The following ZKSCAN8 variants were observed in gnomAD, a reference collection of about 807,000 sequenced individuals.
The protein encoded by ZKSCAN8 is zinc finger with KRAB and SCAN domains 8.
ZKSCAN8 carries 27 observed loss-of-function variants against 57.2 expected under a neutral mutation model. That is an observed-to-expected ratio of 0.47 (90% CI 0.35 to 0.65). ZKSCAN8 has a LOEUF of 0.65. Among genes scored for constraint, ZKSCAN8 ranks in the 30% least tolerant of loss-of-function variants. The pLI is 0.01. For missense variants in ZKSCAN8, 597 were observed against 696.3 expected, an observed-to-expected ratio of 0.86 and a Z score of 1.60; for synonymous variants, 214 against 248.7, an observed-to-expected ratio of 0.86 and a Z score of 1.31.
At position 28,154,800 on chromosome 6, in the gene ZKSCAN8, C is replaced by T. The variant is rs1765732653; in HGVS notation, c.*783C>T. 2.6e-5 allele frequency: 4 copies of T among 152,640 alleles called. No individual in the cohort carries two copies. The South Asian group carries it at 8.3e-4, about 32-fold the overall frequency. The allele number at this position is 152,640 out of a possible 1,614,324, so 9.5% of individuals were successfully genotyped here. On this transcript the variant is annotated 3_prime_UTR_variant, in exon 6 of 6. Coordinates refer to ENST00000330236, the MANE Select transcript of ZKSCAN8 (RefSeq NM_006298.4). The stretch of plus-strand genomic sequence containing the variant: ...ACAGAGAAAGAGGTGAGTGGAGACT[C>T]AGCCCAGCTGCTCTTGAGCTTGGAT...
At chr6:28,147,070 T>A (rs1397237370) in intron 1 of ZKSCAN8, among the ~76,000 whole-genome samples, 1 of 152,042 alleles carries the variant, frequency 6.6e-6, no homozygotes, top group Non-Finnish European at 1.5e-5. Flanking sequence ...GAACTTTTTT[T>A]CTTCAAAAGG....
intron 2 of ZKSCAN8, 21 bp from the exon 3 acceptor site, chr6:28,149,462 C>T (rs1765518552): frequency 1.2e-6 from 2 of 1,612,932 alleles, no homozygotes; most frequent in African/African-American, 1.3e-5. Context: ...TCCTTATTAT[C>T]CAACTGTCTG....
rs180748061 is a variant in ZKSCAN8, at chr6:28,156,212, C to T, written c.*2195C>T. ...ACACCTGCCATACACTTTAGAAGAA[C>T]GCTTCTCTTCTATTCCAATAAAAAG... is the stretch of plus-strand genomic sequence containing the variant. On this transcript the variant is annotated 3_prime_UTR_variant, in exon 6 of 6. Transcript: ENST00000330236. 3.1e-4 allele frequency: 124 copies of T among 398,312 alleles called. No individual in the cohort carries two copies. Among genetic ancestry groups the T allele is most frequent in the African/African-American group, 1.6e-3 (77 of 48,702 alleles). 24.7% of individuals were successfully genotyped at this position (398,312 alleles called of 1,614,324 possible). A position where few individuals can be genotyped will look rare whatever the true frequency, so the allele number is the denominator to read the frequency against.
At position 28,152,363 on chromosome 6, in the gene ZKSCAN8, T is replaced by G; in HGVS notation, c.754T>G (p.Phe252Val). ...GTGTAGAGATAACAGGCCAGAAAAT[T>G]TCAGAAACATGTTCTCCCTGGGTAA... ...DLCRDNRPEN[F>V]RNMFSLGGET... Residue 252 changes from phenylalanine to valine, a missense_variant, in exon 5 of 6, where the codon TTC (phenylalanine) becomes GTC (valine). Physicochemically the swap from Phe to Val is conservative, Grantham distance 50. Coordinates refer to ENST00000330236, the MANE Select transcript of ZKSCAN8 (RefSeq NM_006298.4). 1 of 1,608,430 alleles carries G rather than the reference T, an allele frequency of 6.2e-7. No homozygotes were observed. Among genetic ancestry groups the G allele is most frequent in the Non-Finnish European group, 8.5e-7 (1 of 1,178,590 alleles).
Position 28,149,472 on chromosome 6 carries a change from G to T in ZKSCAN8, c.418-11G>T. The T allele has an allele frequency of 6.2e-7, 1 of 1,613,314 alleles. No individual in the cohort carries two copies. The highest frequency in any genetic ancestry group is 8.5e-7 in the Non-Finnish European group (1 of 1,179,696). On this transcript the variant is annotated splice_polypyrimidine_tract_variant and intron_variant, in intron 2 of 5. Coordinates refer to ENST00000330236, the MANE Select transcript of ZKSCAN8 (RefSeq NM_006298.4). ...GGGATTCCTTATTATCCAACTGTCTGTTGTTTCCAGGTCTCAGCTCGCGTA... is the reference window on the plus strand; with the variant it reads ...GGGATTCCTTATTATCCAACTGTCTTTTGTTTCCAGGTCTCAGCTCGCGTA...
At chr6:28,146,024 A>G (rs114975717) in intron 1 of ZKSCAN8, among the ~76,000 whole-genome samples, 81 of 152,360 alleles carry the variant, frequency 5.3e-4, no homozygotes, top group African/African-American at 1.8e-3. Context: ...CAAAGTTACC[A>G]TTGCAGTTCT....
intron 2 of ZKSCAN8, among the ~76,000 whole-genome samples, 189 bp from the exon 3 acceptor site, chr6:28,149,294 G>A (rs1561819699): frequency 6.6e-6 from 1 of 152,118 alleles, no homozygotes. Context: ...TTAGTACTAA[G>A]CAAAAATGAT....
chr6:28,151,897 C>A lies in ZKSCAN8; in HGVS notation c.612C>A (p.Asp204Glu), dbSNP rs773824734. The change falls in exon 4 of 6, where the codon GAC becomes GAA. Residue 204 changes from aspartate (D) to glutamate (E), a missense_variant. Coordinates refer to ENST00000330236, the MANE Select transcript of ZKSCAN8 (RefSeq NM_006298.4). ...PTRSQKGSSGDQEMTATLLTA... is the reference protein window; with the variant it reads ...PTRSQKGSSGEQEMTATLLTA... Reference sequence around the variant, plus strand: ...GTTCCCAGAAAGGAAGTTCTGGAGACCAGGAAATGACAGCTACACTTCTCA... The same window carrying A: ...GTTCCCAGAAAGGAAGTTCTGGAGAACAGGAAATGACAGCTACACTTCTCA... The A allele has an allele frequency of 3.1e-6, 5 of 1,614,148 alleles. No individual in the cohort carries two copies. Among genetic ancestry groups the A allele is most frequent in the South Asian group, 2.2e-5 (2 of 91,086 alleles).
At position 28,153,903 on chromosome 6, in the gene ZKSCAN8, A is replaced by G. The variant is rs1765692757; in HGVS notation, c.1623A>G (p.Thr541=). The G allele has an allele frequency of 6.2e-7, 1 of 1,613,576 alleles. No individual in the cohort carries two copies. The highest frequency in any genetic ancestry group is 8.5e-7 in the Non-Finnish European group (1 of 1,179,836). ...TGLIQHLRIH[T]GEKPYQCNEC... is the part of the protein sequence containing the mutation. ...TCATTCAACACCTGAGAATTCACAC[A>G]GGGGAGAAGCCCTACCAATGTAATG... Residue 541 remains threonine (T), a synonymous_variant, in exon 6 of 6, where the codon ACA becomes ACG. Transcript: ENST00000330236.
At position 28,151,872 on chromosome 6, in the gene ZKSCAN8, G is replaced by C; in HGVS notation, c.587G>C (p.Arg196Pro). The C allele has an allele frequency of 6.2e-7, 1 of 1,614,106 alleles. No individual in the cohort carries two copies. Among genetic ancestry groups the C allele is most frequent in the Middle Eastern group, 1.6e-4 (1 of 6,062 alleles). The change falls in exon 4 of 6, where the codon CGT (arginine) becomes CCT (proline). Residue 196 changes from arginine to proline, a missense_variant. Arg to Pro is a moderately radical substitution (Grantham distance 103, BLOSUM62 -2). Transcript: ENST00000330236. ...RAMSTSQSPT[R>P]SQKGSSGDQE... ...ATGTCTACTTCCCAGAGTCCTACTC[G>C]TTCCCAGAAAGGAAGTTCTGGAGAC...
At chr6:28,149,944 A>G (rs760933025) in intron 3 of ZKSCAN8, among the ~76,000 whole-genome samples, 74 of 152,086 alleles carry the variant, frequency 4.9e-4, no homozygotes, top group Non-Finnish European at 5.0e-4. Flanking sequence ...ACCACAGTAC[A>G]TTTACAACAT....
chr6:28,156,345 CTT>C lies in ZKSCAN8; in HGVS notation c.*2330_*2331del, dbSNP rs1301518529. On this transcript the variant is annotated 3_prime_UTR_variant, in exon 6 of 6. Transcript: ENST00000330236. Reference sequence around the variant, plus strand: ...TATACAGATGTACTAGCTAAAGTCTCTTTATGTGTCAGTATTAAGAGTAATAT... The same window carrying C: ...TATACAGATGTACTAGCTAAAGTCTCTATGTGTCAGTATTAAGAGTAATAT... The C allele has an allele frequency of 7.6e-6, 3 of 396,516 alleles. No individual in the cohort carries two copies. The highest frequency in any genetic ancestry group is 1.4e-4 in the South Asian group (1 of 7,268). 24.6% of individuals were successfully genotyped at this position (396,516 alleles called of 1,614,324 possible).
rs958923834 is a variant in ZKSCAN8 at position 28,151,858 on chromosome 6, C to T, written c.573C>T (p.Ser191=). ...QESQERAMST[S]QSPTRSQKGS... ...TTCTCCTCTCAGCCATGTCTACTTC[C>T]CAGAGTCCTACTCGTTCCCAGAAAG... is the stretch of plus-strand genomic sequence containing the variant. The change falls in exon 4 of 6, where the codon TCC becomes TCT. Residue 191 remains serine (S), a synonymous_variant. Coordinates refer to ENST00000330236, the MANE Select transcript of ZKSCAN8 (RefSeq NM_006298.4). 2 of 1,613,996 alleles carry T rather than the reference C, an allele frequency of 1.2e-6. No homozygotes were observed. The highest frequency in any genetic ancestry group is 1.7e-6 in the Non-Finnish European group (2 of 1,179,984).
intron 1 of ZKSCAN8, among the ~76,000 whole-genome samples, chr6:28,146,538 G>A (rs1765403226): frequency 6.6e-6 from 1 of 152,182 alleles, no homozygotes; most frequent in African/African-American, 2.4e-5. Context: ...TGAGATATCA[G>A]TTGTCCCTAA....
chr6:28,153,154 G>A lies in ZKSCAN8; in HGVS notation c.874G>A (p.Asp292Asn). 6.2e-7 allele frequency: 1 copy of A among 1,614,204 alleles called. No homozygotes were observed. Residue 292 changes from aspartate (D) to asparagine (N), a missense_variant, in exon 6 of 6, where the codon GAT (aspartate) becomes AAT (asparagine). Asp to Asn is a conservative substitution (Grantham distance 23, BLOSUM62 1). Coordinates refer to ENST00000330236, the MANE Select transcript of ZKSCAN8 (RefSeq NM_006298.4). ...AGAGACAGCTGCCAAATGCAACGGG[G>A]ATGTTATCAGGGGTCTTGAGCATGA... ...HGETAAKCNG[D>N]VIRGLEHEEA...
At position 28,153,235 on chromosome 6, in the gene ZKSCAN8, G is replaced by A. The variant is rs1267398438; in HGVS notation, c.955G>A (p.Glu319Lys). 1.2e-6 allele frequency: 2 copies of A among 1,614,224 alleles called. No homozygotes were observed. Among genetic ancestry groups the A allele is most frequent in the Non-Finnish European group, 1.7e-6 (2 of 1,180,038 alleles). ...LERQRGNPTQ[E>K]RRHKCDECGK... ...GAGGCAGCGGGGAAATCCCACACAAGAGAGACGACATAAATGTGATGAATG... is the reference window on the plus strand; with the variant it reads ...GAGGCAGCGGGGAAATCCCACACAAAAGAGACGACATAAATGTGATGAATG... Residue 319 changes from glutamate to lysine, a missense_variant, in exon 6 of 6, where the codon GAG becomes AAG. By Grantham distance (56) the Glu-to-Lys change is moderately conservative. Transcript: ENST00000330236.
chr6:28,145,300 A>G (rs2113576434), intron 1 of ZKSCAN8, among the ~76,000 whole-genome samples: 1 of 152,282 alleles, frequency 6.6e-6, no homozygotes, highest in South Asian at 2.1e-4. Flanking sequence ...TCAGTTTTGA[A>G]CCACTGAGCT....
At chr6:28,151,097 T>C (rs1030291557) in intron 3 of ZKSCAN8, among the ~76,000 whole-genome samples, 2 of 152,204 alleles carry the variant, frequency 1.3e-5, no homozygotes, top group African/African-American at 4.8e-5. Context: ...TGAGCCACTG[T>C]GCTCGGCCAC....
At chr6:28,151,402 A>G (rs1365471668) in intron 3 of ZKSCAN8, among the ~76,000 whole-genome samples, 1 of 152,220 alleles carries the variant, frequency 6.6e-6, no homozygotes, top group African/African-American at 2.4e-5. Flanking sequence ...TATTTTAATA[A>G]TAAGCCGTTT....
Sources: gnomAD v4.1 joint callset for allele counts (sites outside exome capture counted in the v4.1 genomes callset) on GRCh38, gnomAD v4.1.1 for gene constraint, MANE v1.5 for transcripts, NCBI Gene and HGNC (gene_info 2026-07-23, HGNC 2026-07-21) for gene names.